The following KDM4C variants were observed in gnomAD, a reference collection of about 807,000 sequenced individuals.
KDM4C encodes the protein lysine-specific demethylase 4C.
In KDM4C, 81 loss-of-function variants were observed where a neutral mutation model predicts 129.3. The observed-to-expected ratio is 0.63, with a 90% confidence interval of 0.52 to 0.75. The LOEUF is 0.75. Among genes scored for constraint, KDM4C ranks in the 30% least tolerant of loss-of-function variants. KDM4C has a pLI of 0.00. For synonymous variants in KDM4C, 573 were observed against 456.1 expected (o/e 1.26, Z -3.26); for missense variants, 1,457 against 1,304.0 (o/e 1.12, Z -1.81).
intron 15 of KDM4C, among the ~76,000 whole-genome samples, chr9:7,045,855 G>T (rs1019698145): frequency 6.6e-6 from 1 of 151,940 alleles, no homozygotes; most frequent in Non-Finnish European, 1.5e-5. Flanking sequence ...AAAAGTAAAA[G>T]CTATGAAGTT....
chr9:6,964,933 T>C (rs1188315636), intron 8 of KDM4C, among the ~76,000 whole-genome samples: 1 of 151,804 alleles, frequency 6.6e-6, no homozygotes, highest in Non-Finnish European at 1.5e-5. Context: ...CAGCCTGGGC[T>C]ACAGAGTGAG....
At chr9:7,004,212 G>A (rs1001497864) in intron 12 of KDM4C, among the ~76,000 whole-genome samples, 1 of 152,172 alleles carries the variant, frequency 6.6e-6, no homozygotes, top group Non-Finnish European at 1.5e-5. Context: ...CCTTAGGGAC[G>A]TCACTTACAT....
In KDM4C at chr9:6,733,785, G is replaced by A. The variant is rs1817432416; in HGVS notation, c.49+12788G>A. On this transcript the variant is annotated intron_variant, in intron 1 of 17. Coordinates refer to the KDM4C transcript ENST00000536108. ...AGGGCTGCTGGTTGTCTATTTTTAT[G>A]GTTGTTTTTTGATGGTATGCTAAAC... Among the ~76,000 whole-genome samples the A allele has an allele frequency of 7.9e-5, 12 of 152,260 alleles. No individual in the cohort carries two copies. The South Asian group carries it at 2.5e-3, about 32-fold the overall frequency.
intron 8 of KDM4C, among the ~76,000 whole-genome samples, chr9:6,902,418 A>G (rs956910500): frequency 4.6e-5 from 7 of 152,140 alleles, no homozygotes; most frequent in Middle Eastern, 3.2e-3. Context: ...AGTGCACGTA[A>G]AAAACCCAAC....
At chr9:7,148,662 G>A (rs573819241) in intron 19 of KDM4C, among the ~76,000 whole-genome samples, 9 of 152,316 alleles carry the variant, frequency 5.9e-5, no homozygotes, top group African/African-American at 1.9e-4. Context: ...CTGCGTCCAG[G>A]AAGAATGAGA....
intron 8 of KDM4C, among the ~76,000 whole-genome samples, chr9:6,962,997 G>C (rs1830280946): frequency 6.6e-6 from 1 of 152,138 alleles, no homozygotes; most frequent in African/African-American, 2.4e-5. Flanking sequence ...TAAAATTTGA[G>C]CCAGTAATGT....
intron 11 of KDM4C, among the ~76,000 whole-genome samples, chr9:6,989,208 G>A (rs575010259): frequency 1.3e-5 from 2 of 152,114 alleles, no homozygotes; most frequent in African/African-American, 2.4e-5. Flanking sequence ...TGATTACAAT[G>A]GTCTTACACA....
chr9:6,832,037 G>A (rs1834919112), intron 4 of KDM4C, among the ~76,000 whole-genome samples: 1 of 152,170 alleles, frequency 6.6e-6, no homozygotes, highest in Admixed American at 6.5e-5. Context: ...ATTATATACA[G>A]TTTAAATAGT....
chr9:6,842,378 A>G (rs533786086), intron 4 of KDM4C, among the ~76,000 whole-genome samples: 2 of 133,956 alleles, frequency 1.5e-5, no homozygotes, highest in South Asian at 2.3e-4. Context: ...ATGCAGTGGC[A>G]TGCGATCATG....
At chr9:6,841,350 A>G (rs1488501210) in intron 4 of KDM4C, among the ~76,000 whole-genome samples, 1 of 152,106 alleles carries the variant, frequency 6.6e-6, no homozygotes, top group East Asian at 1.9e-4. Context: ...AGGAAATGGG[A>G]AGGATGTTGT....
At chr9:7,145,722 AAAACTG>A (rs1842162789) in intron 19 of KDM4C, among the ~76,000 whole-genome samples, 1 of 152,254 alleles carries the variant, frequency 6.6e-6, no homozygotes, top group African/African-American at 2.4e-5. Context: ...TCTCTAGAGC[AAAACTG>A]AATAAACACA....
intron 8 of KDM4C, among the ~76,000 whole-genome samples, chr9:6,896,663 G>A (rs1174806841): frequency 6.6e-6 from 1 of 152,118 alleles, no homozygotes; most frequent in East Asian, 1.9e-4. Flanking sequence ...TTTGTCATTA[G>A]GGACCTTTTC....
intron 8 of KDM4C, among the ~76,000 whole-genome samples, chr9:6,914,112 T>G (rs1819848486): frequency 6.6e-6 from 1 of 152,220 alleles, no homozygotes; most frequent in Non-Finnish European, 1.5e-5. Context: ...CAGGCTGGAG[T>G]GCAATGGCGT....
chr9:6,986,391 G>A lies in KDM4C; in HGVS notation c.1402G>A (p.Asp468Asn), dbSNP rs753128021. 6.2e-7 allele frequency: 1 copy of A among 1,613,598 alleles called. No individual in the cohort carries two copies. Among genetic ancestry groups the A allele is most frequent in the Non-Finnish European group, 8.5e-7 (1 of 1,179,626 alleles). Residue 468 changes from aspartate (D) to asparagine (N), a missense_variant, in exon 11 of 22, where the codon GAT becomes AAT. Transcript: ENST00000381309. ...TGTAACAGAAGACATAAAAACTGAGGATGACAAAGCTTATGCATATAGAAG... is the reference window on the plus strand; with the variant it reads ...TGTAACAGAAGACATAAAAACTGAGAATGACAAAGCTTATGCATATAGAAG... ...TSVTEDIKTEDDKAYAYRSVP... is the reference protein window; with the variant it reads ...TSVTEDIKTENDKAYAYRSVP...
intron 8 of KDM4C, among the ~76,000 whole-genome samples, chr9:6,953,010 G>T (rs1195672048): frequency 6.6e-6 from 1 of 152,076 alleles, no homozygotes; most frequent in African/African-American, 2.4e-5. Context: ...ATGGTTTAAG[G>T]CAGCAGAATG....
chr9:6,863,522 C>T (rs540191450), intron 5 of KDM4C, among the ~76,000 whole-genome samples: 1 of 152,152 alleles, frequency 6.6e-6, no homozygotes, highest in Admixed American at 6.5e-5. Flanking sequence ...AGGGGCTGGG[C>T]ACCATGGCTC....
In KDM4C at chr9:6,815,964, A is replaced by G. The variant is rs182962022; in HGVS notation, c.435+1219A>G. 4.0e-3 allele frequency among the ~76,000 whole-genome samples: 610 copies of G among 152,298 alleles called. 5 individuals are homozygous for G. Among genetic ancestry groups the G allele is most frequent in the Middle Eastern group, 6.8e-3 (2 of 294 alleles). Reference sequence around the variant, plus strand: ...ATAGTTCACCCTGAATTATATAAGCATGTATCTTTTAATGACAAGAGAGTT... The same window carrying G: ...ATAGTTCACCCTGAATTATATAAGCGTGTATCTTTTAATGACAAGAGAGTT... On this transcript the variant is annotated intron_variant, in intron 4 of 21. Coordinates refer to ENST00000381309, the MANE Select transcript of KDM4C (RefSeq NM_015061.6).
chr9:7,030,466 G>C (rs1249102526), intron 15 of KDM4C, among the ~76,000 whole-genome samples: 1 of 152,108 alleles, frequency 6.6e-6, no homozygotes, highest in Non-Finnish European at 1.5e-5. Flanking sequence ...TGTGGATTCT[G>C]GGTGATGATG....
intron 4 of KDM4C, among the ~76,000 whole-genome samples, chr9:6,845,807 C>T (rs565058844): frequency 2.0e-5 from 3 of 152,322 alleles, no homozygotes; most frequent in Non-Finnish European, 4.4e-5. Flanking sequence ...GCTCATGTGC[C>T]TGCTGAACAT....
Sources: gnomAD v4.1 joint callset for allele counts (sites outside exome capture counted in the v4.1 genomes callset) on GRCh38, gnomAD v4.1.1 for gene constraint, MANE v1.5 for transcripts, NCBI Gene and HGNC (gene_info 2026-07-23, HGNC 2026-07-21) for gene names.